The following EPHA6 variants were observed in gnomAD, a reference collection of about 807,000 sequenced individuals.
EPHA6 encodes EPH receptor A6.
EPHA6 carries 50 observed loss-of-function variants against 112.0 expected under a neutral mutation model. The observed-to-expected ratio is 0.45, with a 90% CI of 0.36 to 0.56. The LOEUF (loss-of-function observed/expected upper bound fraction) is 0.56, where lower values mean the gene tolerates loss of function less well. Ranked by LOEUF, EPHA6 falls within the 20% of genes least tolerant of loss-of-function variation. The probability of loss-of-function intolerance (pLI) is 0.00; values close to 1 mark genes in which losing one functional copy is unlikely to be tolerated. For missense variants in EPHA6, 1,280 were observed against 1,417.4 expected (o/e 0.90, Z 1.56); for synonymous variants, 529 against 490.7 (o/e 1.08, Z -1.03).
intron 3 of EPHA6, among the ~76,000 whole-genome samples, chr3:97,121,471 C>T (rs1331062454): frequency 6.6e-6 from 1 of 152,030 alleles, no homozygotes. Context: ...GGCTTCCTCT[C>T]ACTCACATGT....
At chr3:97,602,096 C>A (rs2093647937) in intron 12 of EPHA6, among the ~76,000 whole-genome samples, 1 of 152,026 alleles carries the variant, frequency 6.6e-6, no homozygotes, top group African/African-American at 2.4e-5. Context: ...AAGCATATAA[C>A]ATTGCTGCTC....
intron 3 of EPHA6, 32 bp downstream of exon 3, chr3:96,988,025 G>A: frequency 2.0e-6 from 3 of 1,481,608 alleles, no homozygotes; most frequent in South Asian, 2.8e-5. Context: ...AATTTATCTT[G>A]CATTTAAATG....
chr3:96,955,030 C>T (rs927656627), intron 2 of EPHA6, among the ~76,000 whole-genome samples: 3 of 151,888 alleles, frequency 2.0e-5, no homozygotes, highest in Non-Finnish European at 2.9e-5. Flanking sequence ...GCTACATTAA[C>T]ATCTGTAATA....
At chr3:96,936,288 C>T (rs1486323829) in intron 2 of EPHA6, among the ~76,000 whole-genome samples, 3 of 151,514 alleles carry the variant, frequency 2.0e-5, no homozygotes, top group Admixed American at 2.0e-4. Flanking sequence ...TTTTAAAACT[C>T]AATAAAAAAC....
chr3:97,176,582 G>A (rs968164048), intron 3 of EPHA6, among the ~76,000 whole-genome samples: 1 of 151,614 alleles, frequency 6.6e-6, no homozygotes, highest in East Asian at 1.9e-4. Flanking sequence ...CTTTTTATTG[G>A]TTTATTGAGG....
chr3:97,420,718 C>T (rs2107182300), intron 6 of EPHA6, among the ~76,000 whole-genome samples: 2 of 152,000 alleles, frequency 1.3e-5, no homozygotes, highest in Admixed American at 1.3e-4. Flanking sequence ...AGAATAACCT[C>T]TTAACTGAAC....
chr3:96,830,573 T>A (rs1042944938), intron 1 of EPHA6, among the ~76,000 whole-genome samples: 3 of 152,114 alleles, frequency 2.0e-5, no homozygotes, highest in Non-Finnish European at 4.4e-5. Flanking sequence ...TAAGCCTGTT[T>A]GATCCATGTA....
At chr3:97,669,047 T>G (rs894804768) in intron 14 of EPHA6, among the ~76,000 whole-genome samples, 6 of 151,692 alleles carry the variant, frequency 4.0e-5, no homozygotes, top group Non-Finnish European at 8.8e-5. Context: ...GCCAACTCAG[T>G]TGTATCAGTC....
intron 3 of EPHA6, among the ~76,000 whole-genome samples, chr3:97,052,202 G>A (rs1258054667): frequency 6.6e-6 from 1 of 151,944 alleles, no homozygotes; most frequent in Admixed American, 6.6e-5. Flanking sequence ...TGCCACTCAC[G>A]CATATACTCT....
chr3:97,559,610 A>T (rs774127683), intron 11 of EPHA6: 1 of 455,514 alleles, frequency 2.2e-6, no homozygotes, highest in Admixed American at 2.4e-5. Flanking sequence ...AAATGATGAC[A>T]TATATCCTCA....
chr3:97,056,988 TAGTTTA>T (rs1231065031), intron 3 of EPHA6, among the ~76,000 whole-genome samples: 1 of 152,172 alleles, frequency 6.6e-6, no homozygotes, highest in Non-Finnish European at 1.5e-5. Flanking sequence ...ATTTGAGAAA[TAGTTTA>T]AGTTTAAAAG....
At chr3:97,242,714 T>A (rs879274640) in intron 4 of EPHA6, among the ~76,000 whole-genome samples, 14 of 151,188 alleles carry the variant, frequency 9.3e-5, no homozygotes, top group Admixed American at 8.6e-4. Context: ...ATATCAAAAC[T>A]TGAATTTATT....
chr3:97,168,179 A>C (rs982951246), intron 3 of EPHA6, among the ~76,000 whole-genome samples: 2 of 152,122 alleles, frequency 1.3e-5, no homozygotes, highest in African/African-American at 4.8e-5. Flanking sequence ...AGTTATTATA[A>C]AATAATTAAT....
At chr3:97,278,104 T>G (rs1032574381) in intron 5 of EPHA6, among the ~76,000 whole-genome samples, 9 of 152,264 alleles carry the variant, frequency 5.9e-5, no homozygotes, top group Non-Finnish European at 1.0e-4. Context: ...AACTCTTGGC[T>G]ACTAATGGCC....
chr3:97,575,523 A>T (rs527257080), intron 11 of EPHA6, among the ~76,000 whole-genome samples: 1 of 152,360 alleles, frequency 6.6e-6, no homozygotes, highest in African/African-American at 2.4e-5. Flanking sequence ...GGCATAAAAA[A>T]ACATCTGAGA....
intron 3 of EPHA6, among the ~76,000 whole-genome samples, chr3:97,197,682 G>A (rs2077476671): frequency 6.6e-6 from 1 of 151,912 alleles, no homozygotes; most frequent in South Asian, 2.1e-4. Context: ...TCTGACTTGT[G>A]TCTCACTAGG....
chr3:97,241,940 A>G (rs1018085984), intron 4 of EPHA6, among the ~76,000 whole-genome samples: 2 of 151,690 alleles, frequency 1.3e-5, no homozygotes, highest in Non-Finnish European at 3.0e-5. Context: ...GTCGGAAAAC[A>G]TTATTATGAT....
At chr3:97,029,207 CAG>C (rs560038498) in intron 3 of EPHA6, among the ~76,000 whole-genome samples, 75 of 151,586 alleles carry the variant, frequency 4.9e-4, no homozygotes, top group Non-Finnish European at 9.6e-4. Context: ...TAGATATAAA[CAG>C]AGTAATTTGG....
At chr3:97,191,551 A>T (rs938759068) in intron 3 of EPHA6, among the ~76,000 whole-genome samples, 27 of 152,006 alleles carry the variant, frequency 1.8e-4, no homozygotes, top group African/African-American at 5.8e-4. Flanking sequence ...AGCTTCTACA[A>T]ATGTGTGAGA....
Sources: gnomAD v4.1 joint callset for allele counts (sites outside exome capture counted in the v4.1 genomes callset) on GRCh38, gnomAD v4.1.1 for gene constraint, MANE v1.5 for transcripts, NCBI Gene and HGNC (gene_info 2026-07-23, HGNC 2026-07-21) for gene names.